AHCYL2: variants seen among roughly 807,000 people sequenced by gnomAD.
The protein encoded by AHCYL2 is adenosylhomocysteinase like 2, also known as S-adenosylhomocysteine hydrolase-like protein 2.
A neutral mutation model predicts 81.4 loss-of-function variants in AHCYL2; 28 were observed. That is an observed-to-expected ratio of 0.34 (90% CI 0.25 to 0.47). The LOEUF (loss-of-function observed/expected upper bound fraction) is 0.47, where lower values mean the gene tolerates loss of function less well. AHCYL2 is among the 20% of genes least tolerant of loss of function. The pLI is 1.00. For synonymous variants in AHCYL2, 272 were observed against 290.2 expected (o/e 0.94, Z 0.64); for missense variants, 551 against 785.1 (o/e 0.70, Z 3.56).
intron 1 of AHCYL2, among the ~76,000 whole-genome samples, chr7:129,310,018 T>A (rs1330551076): frequency 2.0e-5 from 3 of 152,168 alleles, no homozygotes; most frequent in African/African-American, 7.2e-5. Flanking sequence ...CATTTTTACC[T>A]TTTTCCTTTC....
At chr7:129,263,084 T>C (rs980455056) in intron 1 of AHCYL2, among the ~76,000 whole-genome samples, 13 of 152,344 alleles carry the variant, frequency 8.5e-5, no homozygotes, top group African/African-American at 2.9e-4. Flanking sequence ...CAAGCCTGTC[T>C]AGTCAGTCCT....
At position 129,378,319 on chromosome 7, in the gene AHCYL2, A is replaced by AT. The variant is rs543341991; in HGVS notation, c.364-1319_364-1318insT. ...GAGTGAGACTCCATCTAAAAAAAAA[A>AT]AAATAAATTTACTTACTAGTACTGG... On this transcript the variant is annotated intron_variant, in intron 1 of 16. Transcript: ENST00000325006. Among the ~76,000 whole-genome samples, 260 of 152,224 alleles carry AT rather than the reference A, an allele frequency of 1.7e-3. 1 individual carries two copies. The highest frequency in any genetic ancestry group is 5.8e-3 in the African/African-American group (240 of 41,536).
rs1584675397 is a variant in AHCYL2 at position 129,225,392 on chromosome 7, G to A, written c.316G>A (p.Val106Ile). Reference sequence around the variant, plus strand: ...GCACCGCGACGGCGGCGAGGCCCTGGTCAGCCCCGACGGCACCGTCACCGA... The same window carrying A: ...GCACCGCGACGGCGGCGAGGCCCTGATCAGCCCCGACGGCACCGTCACCGA... ...QRHRDGGEAL[V>I]SPDGTVTEAP... The change falls in exon 1 of 17, where the codon GTC becomes ATC. Residue 106 changes from valine (V) to isoleucine (I), a missense_variant. Val to Ile is a conservative substitution (Grantham distance 29). Transcript: ENST00000325006. 3 of 1,517,836 alleles carry A rather than the reference G, an allele frequency of 2.0e-6. No individual in the cohort carries two copies. The highest frequency in any genetic ancestry group is 2.7e-5 in the East Asian group (1 of 37,694). 94.0% of individuals were successfully genotyped at this position (1,517,836 alleles called of 1,614,324 possible). A position where few individuals can be genotyped will look rare whatever the true frequency, so the allele number is the denominator to read the frequency against.
At chr7:129,271,489 A>C (rs1004464924) in intron 1 of AHCYL2, among the ~76,000 whole-genome samples, 1 of 152,158 alleles carries the variant, frequency 6.6e-6, no homozygotes, top group African/African-American at 2.4e-5. Context: ...ACAGAATACT[A>C]TTAAGCAATG....
chr7:129,251,727 T>A (rs1048194566), intron 1 of AHCYL2, among the ~76,000 whole-genome samples: 4 of 152,140 alleles, frequency 2.6e-5, no homozygotes, highest in African/African-American at 9.7e-5. Context: ...GTAAGCATCA[T>A]CTGTTTTTCT....
At chr7:129,254,160 G>C (rs1795332555) in intron 1 of AHCYL2, among the ~76,000 whole-genome samples, 1 of 152,120 alleles carries the variant, frequency 6.6e-6, no homozygotes, top group Non-Finnish European at 1.5e-5. Context: ...GTGGAAGTGG[G>C]GAAGAAAGGA....
At chr7:129,336,071 CTTTTTTT>C (rs11373631) in intron 1 of AHCYL2, among the ~76,000 whole-genome samples, 1 of 118,460 alleles carries the variant, frequency 8.4e-6, no homozygotes, top group East Asian at 2.3e-4. Context: ...CTTTTCTTTC[CTTTTTTT>C]TTTTTTTTTT....
At chr7:129,403,975 CTTG>C (rs1400201223) in intron 7 of AHCYL2, among the ~76,000 whole-genome samples, 66 of 146,842 alleles carry the variant, frequency 4.5e-4, no homozygotes, top group African/African-American at 1.6e-3. Context: ...GCAGATCTCT[CTTG>C]TTTTTTTTTT....
chr7:129,425,554 A>G (rs528859393), intron 15 of AHCYL2, among the ~76,000 whole-genome samples: 31 of 152,156 alleles, frequency 2.0e-4, no homozygotes, highest in Non-Finnish European at 3.8e-4. Context: ...CTTTCTTACT[A>G]CACCTTCCAA....
intron 5 of AHCYL2, among the ~76,000 whole-genome samples, chr7:129,397,994 A>G (rs1349987522): frequency 6.6e-6 from 1 of 152,220 alleles, no homozygotes; most frequent in African/African-American, 2.4e-5. Context: ...AATTGTACAT[A>G]CGCATTCATT....
intron 1 of AHCYL2, among the ~76,000 whole-genome samples, chr7:129,247,875 T>C (rs1346525065): frequency 2.0e-5 from 3 of 152,214 alleles, no homozygotes; most frequent in African/African-American, 7.2e-5. Flanking sequence ...GTGCTGGGAC[T>C]GCAAGCATGA....
intron 1 of AHCYL2, among the ~76,000 whole-genome samples, chr7:129,279,799 T>A (rs1796365028): frequency 6.6e-6 from 1 of 152,226 alleles, no homozygotes; most frequent in South Asian, 2.1e-4. Context: ...ACTTCTGATG[T>A]TGCCATGGTA....
chr7:129,277,571 C>G (rs113410642), intron 1 of AHCYL2, among the ~76,000 whole-genome samples: 1 of 152,086 alleles, frequency 6.6e-6, no homozygotes, highest in South Asian at 2.1e-4. Context: ...TGAGCCACTG[C>G]GCCTGGCCTC....
intron 12 of AHCYL2, among the ~76,000 whole-genome samples, chr7:129,421,933 A>G (rs887886889): frequency 1.2e-4 from 19 of 152,256 alleles, no homozygotes; most frequent in Non-Finnish European, 2.6e-4. Context: ...ATTATTGTAT[A>G]ACTAAAAGCG....
At position 129,370,637 on chromosome 7, in the gene AHCYL2, A is replaced by G. The variant is rs376904053; in HGVS notation, c.364-9001A>G. Among the ~76,000 whole-genome samples the G allele has an allele frequency of 8.3e-4, 127 of 152,312 alleles. 1 individual carries two copies. Among genetic ancestry groups the G allele is most frequent in the African/African-American group, 2.6e-3 (110 of 41,582 alleles). ...AGCATGAACCCGGGAGGCAGAGCTT[A>G]CAGTGAGCTGAGATCGCGCCACTGC... On this transcript the variant is annotated intron_variant, in intron 1 of 16. Coordinates refer to ENST00000325006, the MANE Select transcript of AHCYL2 (RefSeq NM_015328.4).
intron 10 of AHCYL2, among the ~76,000 whole-genome samples, chr7:129,407,035 TGTGAGAG>T (rs956670928): frequency 6.6e-6 from 1 of 152,198 alleles, no homozygotes; most frequent in Non-Finnish European, 1.5e-5. Context: ...CTCATAGGAT[TGTGAGAG>T]TTCAGTAAAA....
In AHCYL2 at chr7:129,389,441, A is replaced by G. The variant is rs116950717; in HGVS notation, c.620-193A>G. Among the ~76,000 whole-genome samples the G allele has an allele frequency of 6.4e-3, 979 of 152,006 alleles. 6 individuals carry two copies. Among genetic ancestry groups the G allele is most frequent in the Non-Finnish European group, 9.5e-3 (646 of 67,994 alleles). ...GATAAGGACTGGAATATAGAGAATC[A>G]GAACCCTGGAGCATTTGCCTCCAAA... On this transcript the variant is annotated intron_variant, in intron 3 of 16. Coordinates refer to ENST00000325006, the MANE Select transcript of AHCYL2 (RefSeq NM_015328.4).
At chr7:129,375,747 A>G in intron 1 of AHCYL2, 1 of 1,487,100 alleles carries the variant, frequency 6.7e-7, no homozygotes, top group Non-Finnish European at 8.9e-7. Context: ...GTAGTCCCCC[A>G]CTCCCCAGCC....
rs866728791 is a variant in AHCYL2, at chr7:129,398,381, T to A, written c.823+1057T>A. ...TTTTTTATTTTTATTTTTATTTTTA[T>A]TTATTTATTTTTTTTGAGATGAAGT... is the stretch of plus-strand genomic sequence containing the variant. On this transcript the variant is annotated intron_variant, in intron 5 of 16. Transcript: ENST00000325006. 7.3e-5 allele frequency among the ~76,000 whole-genome samples: 11 copies of A among 150,902 alleles called. No homozygotes were observed. In the Middle Eastern group the frequency reaches 0.01, roughly 140 times the overall value.
Sources: allele counts gnomAD v4.1 joint callset (sites outside exome capture counted in the v4.1 genomes callset), GRCh38; gene constraint gnomAD v4.1.1; transcripts MANE v1.5; gene names NCBI Gene and HGNC (gene_info 2026-07-23, HGNC 2026-07-21).